The following ACSS2 variants were observed in gnomAD, a reference collection of about 807,000 sequenced individuals.
ACSS2 encodes acyl-CoA synthetase short chain family member 2, also known as acetyl-coenzyme A synthetase, cytoplasmic.
In ACSS2, 58 loss-of-function variants were observed where a neutral mutation model predicts 90.6. That is an observed-to-expected ratio of 0.64 (90% CI 0.52 to 0.80). The LOEUF is 0.80. ACSS2 is among the 30% of genes least tolerant of loss of function. ACSS2 has a pLI of 0.00. For synonymous variants in ACSS2, 300 were observed against 330.9 expected (o/e 0.91, Z 1.01); for missense variants, 759 against 912.0 (o/e 0.83, Z 2.16).
At chr20:34,926,047 G>A in intron 15 of ACSS2, 58 bp from the exon 16 acceptor site, 1 of 1,578,372 alleles carries the variant, frequency 6.3e-7, no homozygotes, top group Non-Finnish European at 8.7e-7. Flanking sequence ...TACAGATGGA[G>A]CATGGGCTGG....
intron 1 of ACSS2, among the ~76,000 whole-genome samples, chr20:34,882,467 C>A (rs982931206): frequency 6.6e-6 from 1 of 151,750 alleles, no homozygotes; most frequent in Non-Finnish European, 1.5e-5. Flanking sequence ...ACTAAAAATA[C>A]AAAAATTAGC....
At chr20:34,911,963 G>A (rs552763210) in intron 2 of ACSS2, among the ~76,000 whole-genome samples, 89 of 151,310 alleles carry the variant, frequency 5.9e-4, no homozygotes, top group Non-Finnish European at 1.2e-3. Flanking sequence ...GATTACAGGC[G>A]TGTGCCACCA....
intron 14 of ACSS2, among the ~76,000 whole-genome samples, chr20:34,924,768 C>T (rs2147108461): frequency 6.6e-6 from 1 of 152,082 alleles, no homozygotes; most frequent in South Asian, 2.1e-4. Context: ...GGCACGACCT[C>T]AGCTCACTGC....
At chr20:34,915,288 T>C (rs1047040184) in intron 7 of ACSS2, 4 of 1,613,598 alleles carry the variant, frequency 2.5e-6, no homozygotes, top group Non-Finnish European at 3.4e-6. Flanking sequence ...TGGGCACCGC[T>C]TCTCTGTTTG....
chr20:34,910,167 A>G (rs2080917173), intron 2 of ACSS2, among the ~76,000 whole-genome samples: 1 of 152,092 alleles, frequency 6.6e-6, no homozygotes, highest in Non-Finnish European at 1.5e-5. Context: ...GTTTTTTAAC[A>G]TTCAATTTTC....
In ACSS2 at chr20:34,916,255, A is replaced by C. The variant is rs932547936; in HGVS notation, c.834+1818A>C. ...GGCTTAAATTGTAATCTCTGGAGCC[A>C]GATTACTTGGGTTCAAATCCTGGCT... On this transcript the variant is annotated intron_variant, in intron 7 of 17. Coordinates refer to ENST00000360596, the MANE Select transcript of ACSS2 (RefSeq NM_018677.4). 9.2e-5 allele frequency among the ~76,000 whole-genome samples: 14 copies of C among 152,330 alleles called. 1 individual carries two copies. In the East Asian group the frequency reaches 2.5e-3, roughly 27 times the overall value.
rs749319988 is a variant in ACSS2 at position 34,914,420 on chromosome 20, T to C, written c.817T>C (p.Ser273Pro). The C allele has an allele frequency of 5.6e-6, 9 of 1,613,272 alleles. No individual in the cohort carries two copies. The highest frequency in any genetic ancestry group is 7.6e-6 in the Non-Finnish European group (9 of 1,179,700). The change falls in exon 7 of 18, where the codon TCA becomes CCA. Residue 273 changes from serine to proline, a missense_variant. Ser to Pro is a moderately conservative substitution (Grantham distance 74). Transcript: ENST00000360596. ...CAGCCAGTCCCCCCCAATTAAGAGG[T>C]CATGCCCAGATGTGCAGGTGAGTCT... Reference protein sequence around the residue: ...STSQSPPIKRSCPDVQISWNQ... With the variant: ...STSQSPPIKRPCPDVQISWNQ...
chr20:34,926,767 G>GTC, intron 16 of ACSS2, 110 bp from the exon 17 acceptor site: 1 of 1,024,278 alleles, frequency 9.8e-7, no homozygotes, highest in Non-Finnish European at 1.5e-6. Context: ...TGTCTCTGTG[G>GTC]GCAGGGACTT....
At chr20:34,891,664 A>G (rs1411603870) in intron 2 of ACSS2, among the ~76,000 whole-genome samples, 1 of 152,132 alleles carries the variant, frequency 6.6e-6, no homozygotes, top group African/African-American at 2.4e-5. Flanking sequence ...GTTGTTGGGA[A>G]CAGTCTTTCT....
chr20:34,879,766 T>C (rs537900489), intron 1 of ACSS2, among the ~76,000 whole-genome samples: 14 of 152,266 alleles, frequency 9.2e-5, no homozygotes, highest in African/African-American at 2.9e-4. Context: ...CTTTCTTCAT[T>C]CTTTGTTGAT....
intron 2 of ACSS2, among the ~76,000 whole-genome samples, chr20:34,898,696 G>A (rs1471241190): frequency 6.6e-6 from 1 of 152,218 alleles, no homozygotes; most frequent in African/African-American, 2.4e-5. Context: ...AGACTTAGAG[G>A]TTCTCCACTT....
At chr20:34,896,978 C>T (rs946112764) in intron 2 of ACSS2, among the ~76,000 whole-genome samples, 10 of 151,034 alleles carry the variant, frequency 6.6e-5, no homozygotes, top group African/African-American at 9.8e-5. Flanking sequence ...TGCAGTGAGC[C>T]GAGATAGCAC....
intron 1 of ACSS2, among the ~76,000 whole-genome samples, chr20:34,882,012 A>G (rs1369573004): frequency 6.6e-6 from 1 of 152,162 alleles, no homozygotes; most frequent in African/African-American, 2.4e-5. Flanking sequence ...TTTACTAATT[A>G]CTTCATTAAA....
At chr20:34,899,261 G>A (rs1463512114) in intron 2 of ACSS2, among the ~76,000 whole-genome samples, 1 of 152,210 alleles carries the variant, frequency 6.6e-6, no homozygotes, top group Non-Finnish European at 1.5e-5. Context: ...ACAGTGCAGC[G>A]GTGGGCTGAA....
At chr20:34,903,333 C>T (rs1362238854) in intron 2 of ACSS2, among the ~76,000 whole-genome samples, 2 of 108,748 alleles carry the variant, frequency 1.8e-5, no homozygotes, top group East Asian at 4.8e-4. Flanking sequence ...CAGACTGAGA[C>T]TCTCTCAAAA....
chr20:34,918,042 C>T (rs1359123914), intron 7 of ACSS2, among the ~76,000 whole-genome samples: 4 of 152,304 alleles, frequency 2.6e-5, no homozygotes, highest in Non-Finnish European at 4.4e-5. Flanking sequence ...CAGGCGTGAG[C>T]CACCGCGCCC....
intron 2 of ACSS2, among the ~76,000 whole-genome samples, chr20:34,906,150 A>G (rs1434978891): frequency 6.6e-6 from 1 of 152,130 alleles, no homozygotes; most frequent in Non-Finnish European, 1.5e-5. Flanking sequence ...CCTGGCTAAC[A>G]CGGTGAAACC....
At chr20:34,924,682 T>G (rs998302889) in intron 14 of ACSS2, among the ~76,000 whole-genome samples, 19 of 149,262 alleles carry the variant, frequency 1.3e-4, no homozygotes, top group East Asian at 2.0e-4. Flanking sequence ...AAACCTTTTT[T>G]TTGTTGTTGT....
chr20:34,890,095 G>C (rs1332449054), intron 2 of ACSS2, among the ~76,000 whole-genome samples: 1 of 152,132 alleles, frequency 6.6e-6, no homozygotes, highest in Non-Finnish European at 1.5e-5. Flanking sequence ...CTGTATAAAG[G>C]GCTTAGTGCT....
Sources: gnomAD v4.1 joint callset for allele counts (sites outside exome capture counted in the v4.1 genomes callset) on GRCh38, gnomAD v4.1.1 for gene constraint, MANE v1.5 for transcripts, NCBI Gene and HGNC (gene_info 2026-07-23, HGNC 2026-07-21) for gene names.